Variants in ACACB observed in about 807,000 individuals in gnomAD.
The protein encoded by ACACB is acetyl-CoA carboxylase beta, also known as acetyl-CoA carboxylase 2.
A neutral mutation model predicts 278.8 loss-of-function variants in ACACB; 209 were observed. The ratio of observed to expected loss-of-function variants is 0.75; its 90% CI spans 0.67 to 0.84. The LOEUF (loss-of-function observed/expected upper bound fraction) is 0.84. ACACB is among the 40% of genes least tolerant of loss of function. The pLI, the probability that ACACB is intolerant of heterozygous loss-of-function variation, is 0.00. For synonymous variants in ACACB, 1,174 were observed against 1,285.6 expected (o/e 0.91, Z 1.86); for missense variants, 2,850 against 3,269.0 (o/e 0.87, Z 3.13).
rs1368067515 is a variant in ACACB, at chr12:109,233,798, C to A, written c.4190C>A (p.Pro1397His). The part of the protein sequence containing the change: ...SCFANVPKDT[P>H]LFSEARTSLY... ...TTCGCCAACGTGCCCAAAGACACCC[C>A]CCTCTTCAGCGAGGCCCGCACCTCC... Residue 1397 changes from proline (P) to histidine (H), a missense_variant, in exon 30 of 53, where the codon CCC (proline) becomes CAC (histidine). This residue lies in a region of ACACB where 2,265 missense variants were observed against 2,561.3 expected (regional missense o/e 0.88). Coordinates refer to ENST00000338432, the MANE Select transcript of ACACB (RefSeq NM_001093.4). The A allele has an allele frequency of 1.9e-6, 3 of 1,614,218 alleles. No individual in the cohort carries two copies. The highest frequency in any genetic ancestry group is 2.5e-6 in the Non-Finnish European group (3 of 1,180,038).
At chr12:109,212,051 T>A (rs996613178) in intron 21 of ACACB, among the ~76,000 whole-genome samples, 1 of 152,234 alleles carries the variant, frequency 6.6e-6, no homozygotes, top group African/African-American at 2.4e-5. Flanking sequence ...CCCATTGATA[T>A]GTGCGGAATG....
intron 2 of ACACB, among the ~76,000 whole-genome samples, chr12:109,161,494 G>A (rs1278617483): frequency 1.3e-5 from 2 of 152,140 alleles, no homozygotes; most frequent in African/African-American, 4.8e-5. Flanking sequence ...AGAGAGCCGA[G>A]ATTATGCCAC....
intron 1 of ACACB, among the ~76,000 whole-genome samples, chr12:109,117,970 G>T (rs896725845): frequency 6.6e-6 from 1 of 152,094 alleles, no homozygotes; most frequent in African/African-American, 2.4e-5. Flanking sequence ...GGATGGTCTC[G>T]ATCTCCTGAC....
At chr12:109,214,318 G>A (rs2045932945) in intron 22 of ACACB, among the ~76,000 whole-genome samples, 1 of 152,110 alleles carries the variant, frequency 6.6e-6, no homozygotes, top group South Asian at 2.1e-4. Flanking sequence ...TAAATTCCAG[G>A]CATGTTTCCC....
At chr12:109,151,816 CACA>C (rs1565865996) in intron 2 of ACACB, among the ~76,000 whole-genome samples, 3 of 152,198 alleles carry the variant, frequency 2.0e-5, no homozygotes, top group Non-Finnish European at 4.4e-5. Flanking sequence ...CATCAAAAAG[CACA>C]ACAATGGATG....
chr12:109,244,827 G>C (rs1265936094), intron 37 of ACACB, among the ~76,000 whole-genome samples: 1 of 151,930 alleles, frequency 6.6e-6, no homozygotes, highest in African/African-American at 2.4e-5. Context: ...TCTATCTATC[G>C]AGAGAATGGA....
chr12:109,222,374 G>A lies in ACACB; in HGVS notation c.3565-133G>A, dbSNP rs1484087919. On this transcript the variant is annotated intron_variant, in intron 24 of 52. Transcript: ENST00000338432. ...AAAGTGGTGAGGGTTTGCATAACAG[G>A]CTGTGCTGGGCCTGTTTGGAGAGTG... 7.2e-5 allele frequency: 52 copies of A among 726,660 alleles called. No homozygotes were observed. In the Admixed American group the frequency reaches 1.2e-3, roughly 16 times the overall value. The allele number at this position is 726,660 out of a possible 1,614,324, so 45.0% of individuals were successfully genotyped here. A position where few individuals can be genotyped will look rare whatever the true frequency, so the allele number is the denominator to read the frequency against.
intron 24 of ACACB, among the ~76,000 whole-genome samples, chr12:109,217,672 C>T (rs75615693): frequency 6.6e-6 from 1 of 151,816 alleles, no homozygotes; most frequent in African/African-American, 2.4e-5. Flanking sequence ...TGGTGGTGTG[C>T]ACCTGTAGTC....
chr12:109,262,293 C>A, intron 48 of ACACB, 64 bp from the exon 49 acceptor site: 1 of 1,311,674 alleles, frequency 7.6e-7, no homozygotes, highest in Non-Finnish European at 1.1e-6. Flanking sequence ...CCCCCCACAT[C>A]CATTAGCCCT....
Position 109,161,906 on chromosome 12 carries a change from C to T in ACACB, c.654-4955C>T, listed in dbSNP as rs148721157. Among the ~76,000 whole-genome samples the T allele has an allele frequency of 2.5e-3, 383 of 152,094 alleles. 3 individuals are homozygous for T. Among genetic ancestry groups the T allele is most frequent in the African/African-American group, 8.9e-3 (370 of 41,494 alleles). Reference sequence around the variant, plus strand: ...CTTAATACTTTAGCATTTTTTTCCCCCAGATCAGGGGTCTGTCTACAAATG... The same window carrying T: ...CTTAATACTTTAGCATTTTTTTCCCTCAGATCAGGGGTCTGTCTACAAATG... On this transcript the variant is annotated intron_variant, in intron 2 of 52. Transcript: ENST00000338432.
chr12:109,237,023 ACAT>A (rs1310417114), intron 33 of ACACB, 139 bp from the exon 34 acceptor site: 1 of 785,586 alleles, frequency 1.3e-6, no homozygotes, highest in African/African-American at 1.7e-5. Flanking sequence ...CAATTAGGGA[ACAT>A]CATGAATGCT....
Position 109,179,138 on chromosome 12 carries a change from G to A in ACACB, c.1488G>A (p.Gln496=). Residue 496 remains glutamine, a synonymous_variant, in exon 10 of 53, where the codon CAG becomes CAA. Transcript: ENST00000338432. The part of the protein sequence containing the change: ...GSPIFLMKLA[Q]HARHLEVQIL... Reference sequence around the variant, plus strand: ...CCATCTTTCTCATGAAGCTGGCCCAGCACGCCCGTCACCTGGAAGTTCAGA... The same window carrying A: ...CCATCTTTCTCATGAAGCTGGCCCAACACGCCCGTCACCTGGAAGTTCAGA... 6.2e-7 allele frequency: 1 copy of A among 1,613,956 alleles called. No homozygotes were observed. Among genetic ancestry groups the A allele is most frequent in the Non-Finnish European group, 8.5e-7 (1 of 1,179,950 alleles).
Position 109,241,600 on chromosome 12 carries a change from G to A in ACACB, c.5022+319G>A, listed in dbSNP as rs11065940. On this transcript the variant is annotated intron_variant, in intron 36 of 52. Coordinates refer to ENST00000338432, the MANE Select transcript of ACACB (RefSeq NM_001093.4). The stretch of plus-strand genomic sequence containing the variant: ...TGACTTCAAGTGATCTGCCCGCCTC[G>A]ACCTCCAAAGTGCTGGGATTATAGG... 1.8e-3 allele frequency: 606 copies of A among 342,894 alleles called. 4 individuals are homozygous for A. The highest frequency in any genetic ancestry group is 2.8e-3 in the Non-Finnish European group (495 of 178,324). 21.2% of individuals were successfully genotyped at this position (342,894 alleles called of 1,614,324 possible). A position where few individuals can be genotyped will look rare whatever the true frequency, so the allele number is the denominator to read the frequency against.
intron 39 of ACACB, among the ~76,000 whole-genome samples, chr12:109,246,908 C>T (rs1207278249): frequency 6.6e-6 from 1 of 152,136 alleles, no homozygotes; most frequent in African/African-American, 2.4e-5. Flanking sequence ...CAGACTTCGT[C>T]TCTACTAATG....
Position 109,214,826 on chromosome 12 carries a change from G to A in ACACB, c.3351-1792G>A, listed in dbSNP as rs972024567. 2.6e-5 allele frequency among the ~76,000 whole-genome samples: 4 copies of A among 152,156 alleles called. 1 individual carries two copies. The highest frequency in any genetic ancestry group is 1.9e-4 in the East Asian group (1 of 5,196). On this transcript the variant is annotated intron_variant, in intron 22 of 52. Coordinates refer to ENST00000338432, the MANE Select transcript of ACACB (RefSeq NM_001093.4). ...TGTTTTAAAAGAAGCGGCTAGGTGC[G>A]ATGGCTCACACCTATAATCCCAGCA...
chr12:109,112,991 CTT>C (rs1482307625), upstream of ACACB: 1 of 152,156 alleles, frequency 6.6e-6, no homozygotes, highest in African/African-American at 2.4e-5. Context: ...TCCAATAAAA[CTT>C]TATTATTTAT....
At position 109,168,049 on chromosome 12, in the gene ACACB, A is replaced by G. The variant is rs1421832797; in HGVS notation, c.925+15A>G. The G allele has an allele frequency of 6.3e-7, 1 of 1,593,280 alleles. No homozygotes were observed. The highest frequency in any genetic ancestry group is 8.6e-7 in the Non-Finnish European group (1 of 1,168,766). On this transcript the variant is annotated intron_variant, in intron 4 of 52. Coordinates refer to ENST00000338432, the MANE Select transcript of ACACB (RefSeq NM_001093.4). ...GGCCAACGCAGGTACCTGGGCCTTG[A>G]CCCTCTCCTCCCATCACGCTCCATC...
intron 42 of ACACB, 82 bp from the exon 43 acceptor site, chr12:109,252,933 G>A: frequency 7.4e-7 from 1 of 1,344,884 alleles, no homozygotes; most frequent in Non-Finnish European, 9.8e-7. Flanking sequence ...AGCCAGGATT[G>A]AGAAGCACTG....
chr12:109,196,020 C>A (rs561741788), intron 16 of ACACB, among the ~76,000 whole-genome samples: 1 of 152,158 alleles, frequency 6.6e-6, no homozygotes, highest in Non-Finnish European at 1.5e-5. Context: ...GTTGTTATTA[C>A]AAATAATGCT....
Sources: gnomAD v4.1 joint callset for allele counts (sites outside exome capture counted in the v4.1 genomes callset) on GRCh38, gnomAD v4.1.1 for gene constraint, gnomAD v4.1.1 regional missense constraint, MANE v1.5 for transcripts, NCBI Gene and HGNC (gene_info 2026-07-23, HGNC 2026-07-21) for gene names.